Variants in SORCS3 observed in about 807,000 individuals in gnomAD.
The protein encoded by SORCS3 is sortilin related VPS10 domain containing receptor 3, also known as VPS10 domain-containing receptor SorCS3.
In SORCS3, 57 loss-of-function variants were observed where a neutral mutation model predicts 146.3. That is an observed-to-expected ratio of 0.39 (90% CI 0.31 to 0.49). SORCS3 has a LOEUF of 0.49. Among genes scored for constraint, SORCS3 ranks in the 20% least tolerant of loss-of-function variants. The pLI is 0.92. For synonymous variants in SORCS3, 653 were observed against 618.5 expected (o/e 1.06, Z -0.83); for missense variants, 1,341 against 1,575.5 (o/e 0.85, Z 2.52).
At chr10:105,086,217 A>G (rs922284490) in intron 5 of SORCS3, among the ~76,000 whole-genome samples, 1 of 152,166 alleles carries the variant, frequency 6.6e-6, no homozygotes, top group African/African-American at 2.4e-5. Context: ...CTTCAGAGGC[A>G]TGGGCTGCTG....
chr10:105,102,266 A>T (rs2055790242), intron 6 of SORCS3, among the ~76,000 whole-genome samples: 1 of 152,238 alleles, frequency 6.6e-6, no homozygotes, highest in African/African-American at 2.4e-5. Flanking sequence ...TAGCAAAAAC[A>T]TGCCATCAAC....
rs553008193 is a variant in SORCS3, at chr10:105,157,360, C to T, written c.1629+76C>T. The T allele has an allele frequency of 6.6e-5, 103 of 1,562,806 alleles. 1 individual carries two copies. In the East Asian group the frequency reaches 1.5e-3, roughly 23 times the overall value. On this transcript the variant is annotated intron_variant, in intron 10 of 26. Coordinates refer to ENST00000369701, the MANE Select transcript of SORCS3 (RefSeq NM_014978.3). ...AGAAGCTGTGTCGAGGGCTTTGTTT[C>T]GTCAAAGGGTCTTAGGAACTCAGGT...
intron 1 of SORCS3, among the ~76,000 whole-genome samples, chr10:104,683,419 A>G (rs1205965214): frequency 6.6e-6 from 1 of 152,204 alleles, no homozygotes; most frequent in South Asian, 2.1e-4. Flanking sequence ...ATTGTTCTTT[A>G]TGGGGAAGAT....
At chr10:104,736,813 G>A (rs1410071127) in intron 1 of SORCS3, among the ~76,000 whole-genome samples, 1 of 150,090 alleles carries the variant, frequency 6.7e-6, no homozygotes, top group African/African-American at 2.5e-5. Flanking sequence ...AAAGTTTTCG[G>A]GTACATGTGC....
chr10:104,737,007 T>C (rs1267476050), intron 1 of SORCS3, among the ~76,000 whole-genome samples: 2 of 150,956 alleles, frequency 1.3e-5, no homozygotes, highest in African/African-American at 4.9e-5. Flanking sequence ...TTCATTCCCA[T>C]CTATGACTGA....
intron 14 of SORCS3, 117 bp from the exon 15 acceptor site, chr10:105,199,882 G>A: frequency 1.4e-6 from 1 of 735,096 alleles, no homozygotes; most frequent in Non-Finnish European, 2.4e-6. Context: ...CACTTTGGAA[G>A]AATAACTAAA....
At chr10:105,166,583 G>A (rs1440315711) in intron 12 of SORCS3, among the ~76,000 whole-genome samples, 1 of 152,094 alleles carries the variant, frequency 6.6e-6, no homozygotes, top group Non-Finnish European at 1.5e-5. Flanking sequence ...ATGGTTGGAT[G>A]GAATACTGAA....
chr10:105,109,767 G>A (rs1278667998), intron 7 of SORCS3, among the ~76,000 whole-genome samples: 2 of 151,372 alleles, frequency 1.3e-5, no homozygotes, highest in Non-Finnish European at 2.9e-5. Flanking sequence ...CCAATATATT[G>A]TTATCAAATA....
chr10:105,201,310 G>A (rs1044535457), intron 16 of SORCS3, 57 bp downstream of exon 16: 7 of 1,557,128 alleles, frequency 4.5e-6, no homozygotes, highest in Non-Finnish European at 6.1e-6. Flanking sequence ...TGTCTGTGGG[G>A]TGGGGTGGGG....
chr10:105,024,123 A>G (rs1410816011), intron 4 of SORCS3, among the ~76,000 whole-genome samples: 6 of 152,200 alleles, frequency 3.9e-5, no homozygotes, highest in Non-Finnish European at 7.3e-5. Flanking sequence ...AATAATGTTC[A>G]TGTCAAATAA....
chr10:105,230,874 A>G (rs1248824754), intron 20 of SORCS3, among the ~76,000 whole-genome samples: 1 of 151,880 alleles, frequency 6.6e-6, no homozygotes, highest in Non-Finnish European at 1.5e-5. Flanking sequence ...GATGTGTGGA[A>G]CTCAGTGTGA....
intron 10 of SORCS3, among the ~76,000 whole-genome samples, 183 bp downstream of exon 10, chr10:105,157,467 A>G (rs575659230): frequency 2.4e-4 from 37 of 152,322 alleles, no homozygotes; most frequent in South Asian, 1.9e-3. Context: ...TGAAAGGCCC[A>G]GTTGAATTAT....
chr10:104,814,301 T>C (rs1352798302), intron 1 of SORCS3, among the ~76,000 whole-genome samples: 2 of 152,204 alleles, frequency 1.3e-5, no homozygotes, highest in Non-Finnish European at 2.9e-5. Context: ...CTTCCTGCTC[T>C]TCTTTCCCAC....
chr10:104,920,624 A>C (rs922410990), intron 3 of SORCS3, among the ~76,000 whole-genome samples: 8 of 152,166 alleles, frequency 5.3e-5, no homozygotes, highest in African/African-American at 1.2e-4. Flanking sequence ...CAGCTTTCCC[A>C]ATGGGTTTAT....
chr10:104,659,326 G>A (rs542949249), intron 1 of SORCS3, among the ~76,000 whole-genome samples: 1 of 152,182 alleles, frequency 6.6e-6, no homozygotes, highest in Non-Finnish European at 1.5e-5. Context: ...CATAGAAAAT[G>A]TGGGCAAGCG....
intron 3 of SORCS3, among the ~76,000 whole-genome samples, chr10:104,972,115 G>T (rs1302028692): frequency 6.6e-6 from 1 of 152,188 alleles, no homozygotes; most frequent in Non-Finnish European, 1.5e-5. Flanking sequence ...GAGGCAGGCA[G>T]ATCACTTGAG....
intron 5 of SORCS3, among the ~76,000 whole-genome samples, chr10:105,059,708 T>C (rs1242510921): frequency 2.0e-5 from 3 of 152,190 alleles, no homozygotes; most frequent in South Asian, 2.1e-4. Flanking sequence ...GGATCATCCA[T>C]GTGACTTGCT....
At chr10:104,702,727 T>A (rs993765702) in intron 1 of SORCS3, among the ~76,000 whole-genome samples, 1 of 152,202 alleles carries the variant, frequency 6.6e-6, no homozygotes, top group African/African-American at 2.4e-5. Flanking sequence ...ATCTTCCTGT[T>A]CTGGTGCTGG....
chr10:105,029,885 C>G (rs1194730008), intron 4 of SORCS3, among the ~76,000 whole-genome samples: 1 of 152,140 alleles, frequency 6.6e-6, no homozygotes, highest in Non-Finnish European at 1.5e-5. Flanking sequence ...GCATTAAAAT[C>G]ATCTGGGAGC....
Sources: allele counts gnomAD v4.1 joint callset (sites outside exome capture counted in the v4.1 genomes callset), GRCh38; gene constraint gnomAD v4.1.1; transcripts MANE v1.5; gene names NCBI Gene and HGNC (gene_info 2026-07-23, HGNC 2026-07-21).